B3GALNT2: variants seen among roughly 807,000 people sequenced by gnomAD.
B3GALNT2 encodes the protein beta-1,3-N-acetylgalactosaminyltransferase 2, also known as UDP-GalNAc:beta-1,3-N-acetylgalactosaminyltransferase 2.
In B3GALNT2, 53 loss-of-function variants were observed where a neutral mutation model predicts 61.1. The ratio of observed to expected loss-of-function variants is 0.87; its 90% confidence interval spans 0.70 to 1.09. B3GALNT2 has a LOEUF of 1.09. Ranked by LOEUF, B3GALNT2 falls within the 50% of genes least tolerant of loss-of-function variation. The pLI, the probability that B3GALNT2 is intolerant of heterozygous loss-of-function variation, is 0.00. For missense variants in B3GALNT2, 544 were observed against 623.0 expected (o/e 0.87, Z 1.35); for synonymous variants, 223 against 237.4 (o/e 0.94, Z 0.56).
chr1:235,445,661 T>C (rs958081244), downstream of B3GALNT2, among the ~76,000 whole-genome samples: 18 of 151,808 alleles, frequency 1.2e-4, no homozygotes, highest in Admixed American at 6.6e-5. Flanking sequence ...AAAACAAAAC[T>C]GCAATATCTT....
intron 1 of B3GALNT2, 95 bp from the exon 2 acceptor site, chr1:235,494,923 T>C: frequency 3.3e-6 from 4 of 1,213,264 alleles, no homozygotes; most frequent in Non-Finnish European, 4.4e-6. Flanking sequence ...AAGCTTATGT[T>C]TGTAGGAAAT....
At chr1:235,478,352 G>C (rs1310279688) in intron 5 of B3GALNT2, among the ~76,000 whole-genome samples, 3 of 152,044 alleles carry the variant, frequency 2.0e-5, no homozygotes, top group African/African-American at 7.2e-5. Flanking sequence ...AGCCCGACCT[G>C]AACCACCATT....
At chr1:235,471,600 C>T (rs1558422373) in intron 5 of B3GALNT2, among the ~76,000 whole-genome samples, 1 of 152,142 alleles carries the variant, frequency 6.6e-6, no homozygotes, top group Non-Finnish European at 1.5e-5. Context: ...GTATGGGATA[C>T]TAGTAAACAA....
At chr1:235,469,646 G>A (rs1489204879) in intron 6 of B3GALNT2, among the ~76,000 whole-genome samples, 1 of 151,736 alleles carries the variant, frequency 6.6e-6, no homozygotes, top group Non-Finnish European at 1.5e-5. Flanking sequence ...TCCACCTCTG[G>A]GGTTCAAGCA....
In B3GALNT2 at chr1:235,447,522, A is replaced by C. The variant is rs918570205; in HGVS notation, c.*2684T>G. Among the ~76,000 whole-genome samples, 3 of 152,238 alleles carry C rather than the reference A, an allele frequency of 2.0e-5. No individual in the cohort carries two copies. Among genetic ancestry groups the C allele is most frequent in the African/African-American group, 7.2e-5 (3 of 41,458 alleles). On this transcript the variant is annotated 3_prime_UTR_variant, in exon 12 of 12. Coordinates refer to ENST00000366600, the MANE Select transcript of B3GALNT2 (RefSeq NM_152490.5). ...TTGTGTATGTTTAATACAGTTACAC[A>C]TGATGTAATTACAGAATGGCGGCGC...
At chr1:235,479,856 C>A in intron 5 of B3GALNT2, 198 bp downstream of exon 5, 1 of 838,772 alleles carries the variant, frequency 1.2e-6, no homozygotes, top group Non-Finnish European at 1.7e-6. Context: ...GTTTTGGAAC[C>A]TCTGAGGCCT....
At chr1:235,476,653 C>T (rs1020532253) in intron 5 of B3GALNT2, among the ~76,000 whole-genome samples, 1 of 152,020 alleles carries the variant, frequency 6.6e-6, no homozygotes, top group African/African-American at 2.4e-5. Context: ...AGTTCGAGAC[C>T]AGCCTGGCCA....
At chr1:235,502,644 G>C (rs191284805) in intron 1 of B3GALNT2, among the ~76,000 whole-genome samples, 2 of 152,146 alleles carry the variant, frequency 1.3e-5, no homozygotes, top group African/African-American at 4.8e-5. Context: ...GGAAAAACTT[G>C]TCTCAAACTA....
intron 3 of B3GALNT2, among the ~76,000 whole-genome samples, chr1:235,488,345 A>C (rs1292525916): frequency 6.6e-6 from 1 of 152,156 alleles, no homozygotes; most frequent in South Asian, 2.1e-4. Context: ...TAAAGTTCCA[A>C]TTCTGTAAAG....
chr1:235,454,036 G>T, intron 10 of B3GALNT2, 120 bp downstream of exon 10: 1 of 880,830 alleles, frequency 1.1e-6, no homozygotes, highest in Non-Finnish European at 1.6e-6. Context: ...ATGGGGTCTT[G>T]CTATGTTACC....
At chr1:235,495,564 T>G (rs1193435209) in intron 1 of B3GALNT2, among the ~76,000 whole-genome samples, 1 of 151,872 alleles carries the variant, frequency 6.6e-6, no homozygotes, top group African/African-American at 2.4e-5. Context: ...AATAATAAAG[T>G]AAGTCATTCT....
chr1:235,450,428 T>C, intron 11 of B3GALNT2, 88 bp from the exon 12 acceptor site: 1 of 1,433,310 alleles, frequency 7.0e-7, no homozygotes, highest in African/African-American at 1.4e-5. Flanking sequence ...CTTTTATGTA[T>C]TCTAATGATG....
intron 7 of B3GALNT2, among the ~76,000 whole-genome samples, chr1:235,460,541 C>G (rs1370044589): frequency 1.3e-5 from 2 of 148,382 alleles, no homozygotes; most frequent in Non-Finnish European, 3.0e-5. Context: ...CTGGCTGTTT[C>G]TGTACTATTT....
intron 9 of B3GALNT2, 135 bp downstream of exon 9, chr1:235,455,424 T>C (rs528857588): frequency 1.2e-5 from 12 of 965,206 alleles, no homozygotes; most frequent in African/African-American, 3.3e-5. Context: ...AGTAATGAAA[T>C]ATATATAAAC....
rs995077249 is a variant in B3GALNT2 at position 235,449,312 on chromosome 1, A to G, written c.*894T>C. The stretch of plus-strand genomic sequence containing the variant: ...CCCTACAATTATACCTAAGCTGAGT[A>G]TATCTTCTTCTGTGATAACCAGCTT... On this transcript the variant is annotated 3_prime_UTR_variant, in exon 12 of 12. Transcript: ENST00000366600. 3 of 158,266 alleles carry G rather than the reference A, an allele frequency of 1.9e-5. No homozygotes were observed. Among genetic ancestry groups the G allele is most frequent in the Admixed American group, 6.0e-5 (1 of 16,540 alleles). The allele number at this position is 158,266 out of a possible 1,614,324, so 9.8% of individuals were successfully genotyped here. A position where few individuals can be genotyped will look rare whatever the true frequency, so the allele number is the denominator to read the frequency against.
intron 4 of B3GALNT2, 112 bp from the exon 5 acceptor site, chr1:235,480,261 C>A: frequency 1.4e-6 from 2 of 1,461,066 alleles, no homozygotes; most frequent in Non-Finnish European, 1.8e-6. Flanking sequence ...ATGGCCCTAA[C>A]CACGGTCACT....
intron 5 of B3GALNT2, among the ~76,000 whole-genome samples, chr1:235,476,216 C>G (rs528604503): frequency 3.3e-5 from 5 of 151,626 alleles, no homozygotes; most frequent in Admixed American, 3.3e-4. Flanking sequence ...TCAAGACCAT[C>G]CTGGCTAACA....
chr1:235,467,384 G>A (rs1420115287), intron 6 of B3GALNT2, among the ~76,000 whole-genome samples: 11 of 151,186 alleles, frequency 7.3e-5, no homozygotes, highest in East Asian at 1.9e-4. Flanking sequence ...ATAAAAGTTC[G>A]TAGCCAAATG....
chr1:235,457,898 A>G (rs1287109893), intron 8 of B3GALNT2, among the ~76,000 whole-genome samples: 1 of 151,134 alleles, frequency 6.6e-6, no homozygotes, highest in Admixed American at 6.6e-5. Context: ...AAATGAATCA[A>G]CTTTTTTTTT....
Sources: gnomAD v4.1 joint callset for allele counts (sites outside exome capture counted in the v4.1 genomes callset) on GRCh38, gnomAD v4.1.1 for gene constraint, MANE v1.5 for transcripts, NCBI Gene and HGNC (gene_info 2026-07-23, HGNC 2026-07-21) for gene names.